The following TPR variants were observed in gnomAD, a reference collection of about 807,000 sequenced individuals.
TPR encodes nucleoprotein TPR.
Under a neutral mutation model 316.1 loss-of-function variants are expected in TPR, and 51 were observed. That is an observed-to-expected ratio of 0.16 (90% CI 0.13 to 0.20). TPR has a LOEUF of 0.20. Ranked by LOEUF, TPR falls within the 10% of genes least tolerant of loss-of-function variation. TPR has a pLI of 1.00. For missense variants in TPR, 2,272 were observed against 2,754.8 expected (o/e 0.82, Z 3.92); for synonymous variants, 981 against 914.7 (o/e 1.07, Z -1.31).
Position 186,326,190 on chromosome 1 carries a change from T to C in TPR, c.5935A>G (p.Thr1979Ala), listed in dbSNP as rs777047860. 13 of 1,610,580 alleles carry C rather than the reference T, an allele frequency of 8.1e-6. No individual in the cohort carries two copies. In the South Asian group the frequency reaches 1.3e-4, roughly 16 times the overall value. Residue 1979 changes from threonine to alanine, a missense_variant, in exon 41 of 51, where the codon ACA (threonine) becomes GCA (alanine). This residue lies in a region of TPR where 435 missense variants were observed against 461.1 expected (regional missense o/e 0.94). Coordinates refer to ENST00000367478, the MANE Select transcript of TPR (RefSeq NM_003292.3). ...EEDDDDDEDD[T>A]GMGDEGEDSN... The stretch of plus-strand genomic sequence containing the variant: ...TCTTCACCCTCATCTCCCATCCCTG[T>C]GTCATCTTCATCATCATCATCATCT...
At chr1:186,358,451 G>A (rs1236321910) in intron 13 of TPR, 92 bp downstream of exon 13, 1 of 890,830 alleles carries the variant, frequency 1.1e-6, no homozygotes, top group Non-Finnish European at 1.7e-6. Context: ...TTTCATACAT[G>A]GTAGTTCTAT....
At chr1:186,320,445 T>C in intron 45 of TPR, 27 bp from the exon 46 acceptor site, 1 of 1,578,630 alleles carries the variant, frequency 6.3e-7, no homozygotes, top group Non-Finnish European at 8.6e-7. Flanking sequence ...TAATTTAAGA[T>C]GAAATTTAAA....
chr1:186,359,663 AAT>A, intron 12 of TPR, 134 bp downstream of exon 12: 1 of 840,142 alleles, frequency 1.2e-6, no homozygotes. Context: ...AGCAGTGTTT[AAT>A]AAGTTTCAAA....
chr1:186,366,699 AGT>A (rs1190892289), intron 4 of TPR, among the ~76,000 whole-genome samples: 2 of 152,162 alleles, frequency 1.3e-5, no homozygotes, highest in Admixed American at 6.5e-5. Context: ...TTTTAAATAC[AGT>A]GTGTTAAGCT....
At chr1:186,314,371 T>C (rs1323951833) in intron 50 of TPR, 1 of 353,742 alleles carries the variant, frequency 2.8e-6, no homozygotes, top group Non-Finnish European at 5.1e-6. Flanking sequence ...CACTTCATAT[T>C]TTCCAAATCT....
In TPR at chr1:186,343,423, T is replaced by A. The variant is rs773542272; in HGVS notation, c.3653A>T (p.Gln1218Leu). Residue 1218 changes from glutamine to leucine, a missense_variant, in exon 27 of 51, where the codon CAG becomes CTG. Coordinates refer to ENST00000367478, the MANE Select transcript of TPR (RefSeq NM_003292.3). ...TTGTCGATAACGCAGACTCTCAACCTGAGCCACCTCAAACCTAGTTTCAGC... is the reference window on the plus strand; with the variant it reads ...TTGTCGATAACGCAGACTCTCAACCAGAGCCACCTCAAACCTAGTTTCAGC... ...EIAETRFEVA[Q>L]VESLRYRQRV... The A allele has an allele frequency of 6.2e-7, 1 of 1,613,794 alleles. No individual in the cohort carries two copies. Among genetic ancestry groups the A allele is most frequent in the Admixed American group, 1.7e-5 (1 of 60,004 alleles).
intron 12 of TPR, among the ~76,000 whole-genome samples, chr1:186,359,453 G>T (rs990120760): frequency 6.6e-6 from 1 of 151,962 alleles, no homozygotes; most frequent in Non-Finnish European, 1.5e-5. Context: ...GAATGATTAT[G>T]GCAAATAGGA....
At chr1:186,361,460 G>T (rs1659185630) in intron 9 of TPR, among the ~76,000 whole-genome samples, 162 bp downstream of exon 9, 2 of 151,518 alleles carry the variant, frequency 1.3e-5, no homozygotes. Flanking sequence ...ATTTGCTTAA[G>T]ATATAATTCT....
chr1:186,318,818 C>A lies in TPR; in HGVS notation c.6579G>T (p.Met2193Ile), dbSNP rs986081289. The change falls in exon 47 of 51, where the codon ATG becomes ATT. Residue 2193 changes from methionine to isoleucine, a missense_variant. This residue lies in a region of TPR where 88 missense variants were observed against 176.2 expected (regional missense o/e 0.50). Transcript: ENST00000367478. ...GQLASQGGLG[M>I]YETPLFLAHE... The stretch of plus-strand genomic sequence containing the variant: ...GAGCTAGGAACAGGGGTGTTTCATA[C>A]ATTCCTAAACCTAAAGACAATTCTG... The A allele has an allele frequency of 1.6e-5, 26 of 1,613,892 alleles. No individual in the cohort carries two copies. The highest frequency in any genetic ancestry group is 8.0e-5 in the African/African-American group (6 of 74,862).
chr1:186,340,327 G>A (rs1370510500), intron 29 of TPR, among the ~76,000 whole-genome samples: 1 of 152,144 alleles, frequency 6.6e-6, no homozygotes, highest in East Asian at 1.9e-4. Flanking sequence ...AAGGGCTGGA[G>A]TTTCGAACCA....
At chr1:186,360,954 T>G in intron 9 of TPR, 49 bp from the exon 10 acceptor site, 1 of 1,576,850 alleles carries the variant, frequency 6.3e-7, no homozygotes, top group Non-Finnish European at 8.6e-7. Context: ...AGTTAAAATT[T>G]TAGTTTACAA....
chr1:186,325,627 A>G, intron 42 of TPR, 137 bp downstream of exon 42: 1 of 651,918 alleles, frequency 1.5e-6, no homozygotes, highest in Non-Finnish European at 2.5e-6. Context: ...TGAGAGCACA[A>G]CAGTCACAAA....
intron 45 of TPR, among the ~76,000 whole-genome samples, chr1:186,321,401 C>G (rs1657772024): frequency 6.6e-6 from 1 of 152,196 alleles, no homozygotes; most frequent in Admixed American, 6.5e-5. Context: ...GAGAGCCTTT[C>G]AACCGTTTAA....
intron 38 of TPR, 42 bp from the exon 39 acceptor site, chr1:186,331,623 T>C (rs546978578): frequency 9.7e-6 from 13 of 1,341,854 alleles, no homozygotes; most frequent in African/African-American, 8.8e-5. Context: ...ATCAGTGTAG[T>C]AGATGAAGGG....
At chr1:186,353,273 G>C (rs1367071610) in intron 18 of TPR, among the ~76,000 whole-genome samples, 1 of 151,988 alleles carries the variant, frequency 6.6e-6, no homozygotes, top group Non-Finnish European at 1.5e-5. Flanking sequence ...TCAGGAGGTT[G>C]AGGCAGGAGA....
intron 49 of TPR, among the ~76,000 whole-genome samples, 158 bp from the exon 50 acceptor site, chr1:186,314,882 C>T (rs1336819923): frequency 6.6e-6 from 1 of 151,300 alleles, no homozygotes; most frequent in African/African-American, 2.4e-5. Flanking sequence ...TTTAACAAAC[C>T]GAAAAAGGGT....
intron 47 of TPR, 62 bp from the exon 48 acceptor site, chr1:186,318,665 C>T (rs1657682739): frequency 3.1e-6 from 5 of 1,605,464 alleles, no homozygotes; most frequent in Non-Finnish European, 4.2e-6. Context: ...CATTTTTAGC[C>T]AGAAGATACT....
At chr1:186,370,168 C>CA (rs545218587) in intron 3 of TPR, among the ~76,000 whole-genome samples, 104 of 152,024 alleles carry the variant, frequency 6.8e-4, no homozygotes, top group Non-Finnish European at 1.0e-3. Flanking sequence ...TTGATACTTC[C>CA]TTTTTTTAGA....
rs758151167 is a variant in TPR at position 186,312,929 on chromosome 1, A to G, written c.*1042T>C. ...TAACTAACAGTTTCCCAAGGAGGTGATATCATTTGTGAAAACATGAAGATA... is the reference window on the plus strand; with the variant it reads ...TAACTAACAGTTTCCCAAGGAGGTGGTATCATTTGTGAAAACATGAAGATA... On this transcript the variant is annotated 3_prime_UTR_variant, in exon 51 of 51. Transcript: ENST00000367478. 6.9e-6 allele frequency: 11 copies of G among 1,589,108 alleles called. No homozygotes were observed. Among genetic ancestry groups the G allele is most frequent in the Middle Eastern group, 3.3e-4 (2 of 6,038 alleles).
Sources: allele counts gnomAD v4.1 joint callset (sites outside exome capture counted in the v4.1 genomes callset), GRCh38; gene constraint gnomAD v4.1.1; regional missense constraint gnomAD v4.1.1; transcripts MANE v1.5; gene names NCBI Gene and HGNC (gene_info 2026-07-23, HGNC 2026-07-21).